IKZF2: variants seen among roughly 807,000 people sequenced by gnomAD.
The protein encoded by IKZF2 is IKAROS family zinc finger 2, also known as zinc finger protein Helios.
Under a neutral mutation model 49.2 loss-of-function variants are expected in IKZF2, and 15 were observed. The observed-to-expected ratio is 0.30, with a 90% CI of 0.20 to 0.47. The LOEUF is 0.47. Among genes scored for constraint, IKZF2 ranks in the 20% least tolerant of loss-of-function variants. The pLI is 1.00. For synonymous variants in IKZF2, 227 were observed against 221.4 expected (o/e 1.03, Z -0.23); for missense variants, 567 against 664.6 (o/e 0.85, Z 1.61).
At chr2:213,029,571 T>C (rs955212782) in intron 6 of IKZF2, among the ~76,000 whole-genome samples, 1 of 152,088 alleles carries the variant, frequency 6.6e-6, no homozygotes. Flanking sequence ...ATCTATTTTA[T>C]TGATCTTCTC....
At chr2:213,075,222 G>A (rs1326070348) in intron 4 of IKZF2, among the ~76,000 whole-genome samples, 1 of 152,058 alleles carries the variant, frequency 6.6e-6, no homozygotes, top group Non-Finnish European at 1.5e-5. Flanking sequence ...ATCTCACTGG[G>A]AAAAGTTTTC....
intron 6 of IKZF2, among the ~76,000 whole-genome samples, chr2:213,036,559 T>C (rs115853782): frequency 6.5e-4 from 99 of 152,292 alleles, no homozygotes; most frequent in African/African-American, 2.4e-3. Context: ...TCAATCAATA[T>C]GGTATATAAG....
intron 4 of IKZF2, among the ~76,000 whole-genome samples, chr2:213,129,742 C>T (rs1450394020): frequency 6.6e-6 from 1 of 152,064 alleles, no homozygotes; most frequent in African/African-American, 2.4e-5. Flanking sequence ...AGCAGGAAGA[C>T]CGGTTAAACT....
intron 4 of IKZF2, among the ~76,000 whole-genome samples, chr2:213,078,862 C>A (rs2125549353): frequency 6.6e-6 from 1 of 152,304 alleles, no homozygotes; most frequent in Non-Finnish European, 1.5e-5. Flanking sequence ...TGTTCACAAC[C>A]AAACTGCTCT....
intron 8 of IKZF2, among the ~76,000 whole-genome samples, chr2:213,012,647 G>A (rs1404496197): frequency 6.6e-6 from 1 of 151,878 alleles, no homozygotes; most frequent in African/African-American, 2.4e-5. Context: ...CTTTCAATGA[G>A]TTCTCAATAA....
At chr2:213,054,004 G>C (rs1175821363) in intron 5 of IKZF2, among the ~76,000 whole-genome samples, 1 of 152,144 alleles carries the variant, frequency 6.6e-6, no homozygotes, top group African/African-American at 2.4e-5. Context: ...TGTAATCCCA[G>C]CACTTTGAGA....
chr2:213,004,034 G>A lies in IKZF2; in HGVS notation c.*3326C>T, dbSNP rs887735155. On this transcript the variant is annotated 3_prime_UTR_variant, in exon 9 of 9. Transcript: ENST00000434687. The stretch of plus-strand genomic sequence containing the variant: ...TAACTTCTTTAGTGATTCCTATTAC[G>A]ACCTGATAAAGTAAACCCAACTAAT... 9 of 151,656 alleles carry A rather than the reference G, an allele frequency of 5.9e-5. No homozygotes were observed. In the South Asian group the frequency reaches 6.2e-4, roughly 10 times the overall value. The allele number at this position is 151,656 out of a possible 1,614,324, so 9.4% of individuals were successfully genotyped here. A position where few individuals can be genotyped will look rare whatever the true frequency, so the allele number is the denominator to read the frequency against.
intron 4 of IKZF2, 35 bp downstream of exon 4, chr2:213,147,673 C>T (rs1206179640): frequency 6.7e-7 from 1 of 1,490,320 alleles, no homozygotes; most frequent in Non-Finnish European, 9.4e-7. Context: ...GAGAGACACA[C>T]ACACACAAAA....
chr2:213,148,136 T>A (rs1212788134), intron 3 of IKZF2, among the ~76,000 whole-genome samples: 1 of 152,226 alleles, frequency 6.6e-6, no homozygotes, highest in Non-Finnish European at 1.5e-5. Context: ...ACAGAATTTA[T>A]AATGAGCATT....
chr2:213,021,347 AC>A (rs1265579406), intron 7 of IKZF2: 1 of 153,544 alleles, frequency 6.5e-6, no homozygotes, highest in African/African-American at 2.4e-5. Flanking sequence ...GACAAGATAG[AC>A]ATTACAAATC....
chr2:213,084,606 G>GAAAA (rs11450425), intron 4 of IKZF2, among the ~76,000 whole-genome samples: 4 of 149,740 alleles, frequency 2.7e-5, no homozygotes, highest in Non-Finnish European at 4.5e-5. Context: ...AAAAGAAATT[G>GAAAA]AAAAAAAAAA....
At chr2:213,123,724 C>T (rs1421531138) in intron 4 of IKZF2, among the ~76,000 whole-genome samples, 1 of 152,058 alleles carries the variant, frequency 6.6e-6, no homozygotes, top group Non-Finnish European at 1.5e-5. Context: ...ACTTAACATG[C>T]TTTACTTGCA....
rs1205843575 is a variant in IKZF2 at position 213,005,068 on chromosome 2, T to C, written c.*2292A>G. Reference sequence around the variant, plus strand: ...GCACACAGCCAAAATTATGAACATATTGACTGACATCCAAATGTTTCCTTA... The same window carrying C: ...GCACACAGCCAAAATTATGAACATACTGACTGACATCCAAATGTTTCCTTA... On this transcript the variant is annotated 3_prime_UTR_variant, in exon 9 of 9. Coordinates refer to ENST00000434687, the MANE Select transcript of IKZF2 (RefSeq NM_001387220.1). The C allele has an allele frequency of 2.0e-5, 3 of 152,206 alleles. No individual in the cohort carries two copies. The highest frequency in any genetic ancestry group is 2.1e-4 in the South Asian group (1 of 4,806). 9.4% of individuals were successfully genotyped at this position (152,206 alleles called of 1,614,324 possible).
chr2:213,080,358 G>C (rs2371793), intron 4 of IKZF2, among the ~76,000 whole-genome samples: 61,582 of 151,932 alleles, frequency 0.41, 13,172 homozygotes, highest in African/African-American at 0.47. Context: ...TTGGGATATG[G>C]AGGCACAAAG....
At chr2:213,144,905 G>A (rs2060994933) in intron 4 of IKZF2, among the ~76,000 whole-genome samples, 1 of 151,832 alleles carries the variant, frequency 6.6e-6, no homozygotes, top group Non-Finnish European at 1.5e-5. Context: ...ACCAAAAACT[G>A]TCAGGCATTA....
At chr2:213,116,521 G>C (rs1333658231) in intron 4 of IKZF2, among the ~76,000 whole-genome samples, 1 of 152,184 alleles carries the variant, frequency 6.6e-6, no homozygotes, top group Non-Finnish European at 1.5e-5. Context: ...GATTGCTTGA[G>C]TCCAGGAGTT....
At chr2:213,130,499 C>A (rs1482175835) in intron 4 of IKZF2, among the ~76,000 whole-genome samples, 5 of 152,072 alleles carry the variant, frequency 3.3e-5, no homozygotes, top group Non-Finnish European at 5.9e-5. Flanking sequence ...CCCCACCAAC[C>A]TTAAGACCCA....
intron 4 of IKZF2, among the ~76,000 whole-genome samples, chr2:213,071,630 C>G (rs1364286332): frequency 2.0e-5 from 3 of 152,088 alleles, no homozygotes; most frequent in Admixed American, 6.6e-5. Flanking sequence ...AAGTGTCTGT[C>G]TGTGTGGAAG....
intron 4 of IKZF2, among the ~76,000 whole-genome samples, chr2:213,140,976 T>C (rs2060845250): frequency 6.6e-6 from 1 of 152,006 alleles, no homozygotes; most frequent in Non-Finnish European, 1.5e-5. Flanking sequence ...ATGTGCCTAA[T>C]TGCTATCCCT....
Sources: gnomAD v4.1 joint callset for allele counts (sites outside exome capture counted in the v4.1 genomes callset) on GRCh38, gnomAD v4.1.1 for gene constraint, MANE v1.5 for transcripts, NCBI Gene and HGNC (gene_info 2026-07-23, HGNC 2026-07-21) for gene names.